The following VAV3 variants were observed in gnomAD, a reference collection of about 807,000 sequenced individuals.
The protein encoded by VAV3 is vav guanine nucleotide exchange factor 3, also known as guanine nucleotide exchange factor VAV3.
A neutral mutation model predicts 131.2 loss-of-function variants in VAV3; 94 were observed. The observed-to-expected ratio is 0.72, with a 90% CI of 0.61 to 0.85. The LOEUF (loss-of-function observed/expected upper bound fraction) is 0.85. Among genes scored for constraint, VAV3 ranks in the 40% least tolerant of loss-of-function variants. The pLI is 0.00. For synonymous variants in VAV3, 349 were observed against 342.0 expected (o/e 1.02, Z -0.22); for missense variants, 939 against 1,002.7 (o/e 0.94, Z 0.86).
chr1:107,904,390 T>C (rs1335916923), intron 1 of VAV3, among the ~76,000 whole-genome samples: 2 of 152,326 alleles, frequency 1.3e-5, no homozygotes, highest in African/African-American at 4.8e-5. Context: ...TCTTTTCTAG[T>C]ATGCATCTCA....
At chr1:107,913,236 T>C (rs992969205) in intron 1 of VAV3, among the ~76,000 whole-genome samples, 9 of 152,288 alleles carry the variant, frequency 5.9e-5, no homozygotes, top group African/African-American at 1.7e-4. Context: ...AAAGGAAATG[T>C]TTAAGATGAA....
intron 19 of VAV3, among the ~76,000 whole-genome samples, chr1:107,656,678 A>T (rs995545479): frequency 1.3e-5 from 2 of 152,154 alleles, no homozygotes; most frequent in South Asian, 4.1e-4. Context: ...TGATGTGACT[A>T]TATCAGTGTA....
chr1:107,892,893 C>G (rs1224816259), intron 1 of VAV3, among the ~76,000 whole-genome samples: 1 of 152,164 alleles, frequency 6.6e-6, no homozygotes, highest in South Asian at 2.1e-4. Context: ...TCAACAATAA[C>G]TGCCCACTCC....
chr1:107,857,366 T>C (rs1669524697), intron 2 of VAV3, among the ~76,000 whole-genome samples: 1 of 152,208 alleles, frequency 6.6e-6, no homozygotes, highest in South Asian at 2.1e-4. Context: ...AGACAGCCTA[T>C]TGTGGGACCT....
chr1:107,782,206 T>C (rs564189150), intron 2 of VAV3, among the ~76,000 whole-genome samples: 140 of 152,332 alleles, frequency 9.2e-4, no homozygotes, highest in African/African-American at 2.9e-3. Flanking sequence ...TATTCTATTA[T>C]GTATTTTATA....
intron 25 of VAV3, among the ~76,000 whole-genome samples, chr1:107,576,110 C>T (rs1013877404): frequency 6.6e-6 from 1 of 152,050 alleles, no homozygotes; most frequent in African/African-American, 2.4e-5. Context: ...ATAGATTTTT[C>T]ATCCCCCTTT....
chr1:107,893,529 G>A (rs925140472), intron 1 of VAV3, among the ~76,000 whole-genome samples: 19 of 152,154 alleles, frequency 1.2e-4, no homozygotes, highest in South Asian at 6.2e-4. Context: ...TAATCATGGC[G>A]GAAGGTGAGG....
intron 19 of VAV3, among the ~76,000 whole-genome samples, chr1:107,648,907 G>A (rs1401229185): frequency 6.6e-6 from 1 of 151,992 alleles, no homozygotes; most frequent in Non-Finnish European, 1.5e-5. Flanking sequence ...CCCGCCACAT[G>A]TCTGGTGTTA....
chr1:107,591,973 A>G (rs1337345821), intron 25 of VAV3, among the ~76,000 whole-genome samples: 2 of 152,094 alleles, frequency 1.3e-5, no homozygotes, highest in South Asian at 2.1e-4. Flanking sequence ...ATTGTATCAC[A>G]TCTTTTATAG....
intron 2 of VAV3, among the ~76,000 whole-genome samples, chr1:107,849,062 G>A (rs904746464): frequency 3.4e-4 from 52 of 152,174 alleles, no homozygotes; most frequent in African/African-American, 1.2e-3. Context: ...TCTGCTCAAC[G>A]AAATAAAAGA....
In VAV3 at chr1:107,779,489, T is replaced by C. The variant is rs1227078751; in HGVS notation, c.325A>G (p.Ile109Val). The change falls in exon 3 of 27, where the codon ATA (isoleucine) becomes GTA (valine). Residue 109 changes from isoleucine (I) to valine (V), a missense_variant. Ile to Val is a conservative substitution (Grantham distance 29). Coordinates refer to ENST00000370056, the MANE Select transcript of VAV3 (RefSeq NM_006113.5). ...CGAGAAAGTCGTGATAATGTTTCTATAACCTGAGAAAAGAGGAAAATACTA... is the reference window on the plus strand; with the variant it reads ...CGAGAAAGTCGTGATAATGTTTCTACAACCTGAGAAAAGAGGAAAATACTA... ...LFDVRDFGKVIETLSRLSRTP... is the reference protein window; with the variant it reads ...LFDVRDFGKVVETLSRLSRTP... 3 of 1,581,516 alleles carry C rather than the reference T, an allele frequency of 1.9e-6. No individual in the cohort carries two copies. The African/African-American group carries it at 4.1e-5, about 21-fold the overall frequency.
At chr1:107,602,890 G>A (rs1651977093) in intron 23 of VAV3, among the ~76,000 whole-genome samples, 157 bp downstream of exon 23, 1 of 152,060 alleles carries the variant, frequency 6.6e-6, no homozygotes. Flanking sequence ...GTTTTTCAAA[G>A]ATATATTTTC....
intron 2 of VAV3, among the ~76,000 whole-genome samples, chr1:107,781,432 A>G (rs1665683182): frequency 6.6e-6 from 1 of 152,260 alleles, no homozygotes; most frequent in Non-Finnish European, 1.5e-5. Context: ...GATGTGATGC[A>G]ATACATATGT....
chr1:107,865,071 T>C (rs1669919105), intron 2 of VAV3, among the ~76,000 whole-genome samples: 1 of 152,144 alleles, frequency 6.6e-6, no homozygotes, highest in Non-Finnish European at 1.5e-5. Flanking sequence ...GGGATCCTCA[T>C]CAGGGCCATT....
chr1:107,832,169 G>A (rs1042802564), intron 2 of VAV3, among the ~76,000 whole-genome samples: 2 of 152,230 alleles, frequency 1.3e-5, no homozygotes, highest in Non-Finnish European at 2.9e-5. Context: ...CTGGTTATAA[G>A]AGCAACACAA....
In VAV3 at chr1:107,573,069, C is replaced by T. The variant is rs189767773; in HGVS notation, c.*262G>A. ...GTTTGCAGGGCTCTTCTGGGAAGAACAGCTCTTGGTTTTGCCCTGGTCCCT... is the reference window on the plus strand; with the variant it reads ...GTTTGCAGGGCTCTTCTGGGAAGAATAGCTCTTGGTTTTGCCCTGGTCCCT... On this transcript the variant is annotated 3_prime_UTR_variant, in exon 27 of 27. Coordinates refer to ENST00000370056, the MANE Select transcript of VAV3 (RefSeq NM_006113.5). 2.2e-6 allele frequency: 1 copy of T among 445,142 alleles called. No individual in the cohort carries two copies. Among genetic ancestry groups the T allele is most frequent in the African/African-American group, 2.0e-5 (1 of 49,398 alleles). The allele number at this position is 445,142 out of a possible 1,614,324, so 27.6% of individuals were successfully genotyped here. A position where few individuals can be genotyped will look rare whatever the true frequency, so the allele number is the denominator to read the frequency against.
chr1:107,767,979 A>G (rs962887624), intron 7 of VAV3, among the ~76,000 whole-genome samples: 1 of 152,244 alleles, frequency 6.6e-6, no homozygotes, highest in African/African-American at 2.4e-5. Context: ...TGGGAGTTAC[A>G]TATGATACAA....
intron 12 of VAV3, among the ~76,000 whole-genome samples, chr1:107,751,879 G>C (rs1443934095): frequency 6.6e-6 from 1 of 152,084 alleles, no homozygotes. Context: ...CTAACGTTCA[G>C]AAATTCCATT....
At chr1:107,715,512 A>T (rs965350851) in intron 15 of VAV3, among the ~76,000 whole-genome samples, 1 of 152,210 alleles carries the variant, frequency 6.6e-6, no homozygotes, top group Non-Finnish European at 1.5e-5. Flanking sequence ...CTTATAATAC[A>T]CTTAGTCATG....
Sources: gnomAD v4.1 joint callset for allele counts (sites outside exome capture counted in the v4.1 genomes callset) on GRCh38, gnomAD v4.1.1 for gene constraint, MANE v1.5 for transcripts, NCBI Gene and HGNC (gene_info 2026-07-23, HGNC 2026-07-21) for gene names.